The following FLOT1 variants were observed in gnomAD, a reference collection of about 807,000 sequenced individuals.
FLOT1 encodes flotillin-1.
Under a neutral mutation model 58.4 loss-of-function variants are expected in FLOT1, and 40 were observed. The ratio of observed to expected loss-of-function variants is 0.69; its 90% CI spans 0.53 to 0.89. The LOEUF (loss-of-function observed/expected upper bound fraction) is 0.89, where lower values mean the gene tolerates loss of function less well. Ranked by LOEUF, FLOT1 falls within the 40% of genes least tolerant of loss-of-function variation. The probability of loss-of-function intolerance (pLI) is 0.00; values close to 1 mark genes in which losing one functional copy is unlikely to be tolerated. For synonymous variants in FLOT1, 178 were observed against 204.2 expected (o/e 0.87, Z 1.09); for missense variants, 423 against 540.8 (o/e 0.78, Z 2.16).
chr6:30,740,825 G>A (rs1468213567), intron 5 of FLOT1, 27 bp from the exon 6 acceptor site: 1 of 1,562,474 alleles, frequency 6.4e-7, no homozygotes, highest in Admixed American at 2.0e-5. Flanking sequence ...GTGGGGAGAA[G>A]GGATGTAAGT....
chr6:30,730,139 T>G lies in FLOT1; in HGVS notation c.1137A>C (p.Thr379=). 1 of 1,612,962 alleles carries G rather than the reference T, an allele frequency of 6.2e-7. No individual in the cohort carries two copies. The highest frequency in any genetic ancestry group is 2.2e-5 in the East Asian group (1 of 44,896). The change falls in exon 12 of 13, where the codon ACA becomes ACC. Residue 379 remains threonine, a synonymous_variant. Coordinates refer to ENST00000376389, the MANE Select transcript of FLOT1 (RefSeq NM_005803.4). ...TGGTCCCACTGCCGCTGGACACCAG[T>G]GTGATCTTATTGGCTGAAGTCAAGG... ...SGPLTSANKI[T]LVSSGSGTMG... is the part of the protein sequence containing the mutation.
Position 30,730,906 on chromosome 6 carries a change from A to AG in FLOT1, c.905+12dup. The AG allele has an allele frequency of 6.2e-7, 1 of 1,608,452 alleles. No homozygotes were observed. Among genetic ancestry groups the AG allele is most frequent in the Middle Eastern group, 1.7e-4 (1 of 5,990 alleles). Reference sequence around the variant, plus strand: ...GCAAGTGAGCTAGGCAGGGTCAGGGAGGGGACATTTACTTCTCTGCCTCGG... The same window carrying AG: ...GCAAGTGAGCTAGGCAGGGTCAGGGAGGGGGACATTTACTTCTCTGCCTCGG... On this transcript the variant is annotated intron_variant, in intron 9 of 12. Coordinates refer to ENST00000376389, the MANE Select transcript of FLOT1 (RefSeq NM_005803.4).
chr6:30,730,225 G>T (rs1409056242), intron 11 of FLOT1, 39 bp from the exon 12 acceptor site: 3 of 1,604,258 alleles, frequency 1.9e-6, no homozygotes, highest in Admixed American at 3.3e-5. Flanking sequence ...CCCATGATCT[G>T]ACCACATTCC....
chr6:30,738,575 T>C (rs1777748147), intron 8 of FLOT1, among the ~76,000 whole-genome samples: 1 of 152,208 alleles, frequency 6.6e-6, no homozygotes. Flanking sequence ...TTTCATCAAC[T>C]GATCAACATA....
intron 12 of FLOT1, 129 bp from the exon 13 acceptor site, chr6:30,728,274 C>G (rs1776881871): frequency 1.3e-6 from 1 of 762,978 alleles, no homozygotes; most frequent in African/African-American, 1.7e-5. Flanking sequence ...TTTCTGGTGC[C>G]CTACCACCTG....
chr6:30,729,025 G>A (rs930757323), intron 12 of FLOT1, among the ~76,000 whole-genome samples: 3 of 151,470 alleles, frequency 2.0e-5, no homozygotes, highest in African/African-American at 4.8e-5. Flanking sequence ...TGATCCGCCC[G>A]CCTCAGCCTC....
rs183373691 is a variant in FLOT1, at chr6:30,738,941, G to A, written c.723+1217C>T. On this transcript the variant is annotated intron_variant, in intron 8 of 12. Transcript: ENST00000376389. ...GATCAACCTCACCTGGGTACTGTGCGTGTCTGCAAAAGATCCTGAAAGTGC... is the reference window on the plus strand; with the variant it reads ...GATCAACCTCACCTGGGTACTGTGCATGTCTGCAAAAGATCCTGAAAGTGC... Among the ~76,000 whole-genome samples, 51 of 152,326 alleles carry A rather than the reference G, an allele frequency of 3.3e-4. No individual in the cohort carries two copies. The South Asian group carries it at 6.8e-3, about 20-fold the overall frequency.
chr6:30,730,990 CTCCT>C lies in FLOT1; in HGVS notation c.830_833del (p.Lys277SerfsTer20), dbSNP rs1777143196. On this transcript the variant is annotated frameshift_variant, in exon 9 of 13. Transcript: ENST00000376389. LOFTEE classifies it high-confidence loss of function. ...CTGGCTTCCGCACCCGGGCCTCCAGCTCCTTCTCCCGCCGGGCGATCTCCTGCTC... is the reference window on the plus strand; with the variant it reads ...CTGGCTTCCGCACCCGGGCCTCCAGCTCTCCCGCCGGGCGATCTCCTGCTC... The C allele has an allele frequency of 6.2e-7, 1 of 1,613,924 alleles. No individual in the cohort carries two copies. The highest frequency in any genetic ancestry group is 1.3e-5 in the African/African-American group (1 of 75,070).
At position 30,728,556 on chromosome 6, in the gene FLOT1, G is replaced by A. The variant is rs184275110; in HGVS notation, c.1255-411C>T. 9.1e-4 allele frequency among the ~76,000 whole-genome samples: 137 copies of A among 150,022 alleles called. 1 individual carries two copies. The highest frequency in any genetic ancestry group is 4.6e-3 in the South Asian group (22 of 4,756). Reference sequence around the variant, plus strand: ...GCGATCTTGGCTTACTGCAGCCTCCGCCTCCTGAGTTCAAGTGATTCTCCT... The same window carrying A: ...GCGATCTTGGCTTACTGCAGCCTCCACCTCCTGAGTTCAAGTGATTCTCCT... On this transcript the variant is annotated intron_variant, in intron 12 of 12. Transcript: ENST00000376389.
chr6:30,731,441 C>T (rs1375763740), intron 8 of FLOT1, among the ~76,000 whole-genome samples: 2 of 147,828 alleles, frequency 1.4e-5, no homozygotes, highest in Admixed American at 6.9e-5. Flanking sequence ...GCTGGGATCA[C>T]GCCACTGCAC....
In FLOT1 at chr6:30,741,371, G is replaced by A; in HGVS notation, c.211-38C>T. ...TAGGGGTAGGAAAGGTGTGGTGGGG[G>A]TCTCATGAAGTCAGAGAAAAAGCAG... is the stretch of plus-strand genomic sequence containing the variant. On this transcript the variant is annotated intron_variant, in intron 4 of 12. Transcript: ENST00000376389. The surrounding 1 kb of genome is among the most constrained non-coding windows in gnomAD (Gnocchi z 5.9). 6.2e-7 allele frequency: 1 copy of A among 1,610,894 alleles called. No homozygotes were observed. The highest frequency in any genetic ancestry group is 8.5e-7 in the Non-Finnish European group (1 of 1,178,348).
At chr6:30,736,912 G>A (rs977759007) in intron 8 of FLOT1, among the ~76,000 whole-genome samples, 8 of 151,728 alleles carry the variant, frequency 5.3e-5, no homozygotes, top group Non-Finnish European at 1.2e-4. Context: ...CTCTTTGCCC[G>A]TTCTCCACAA....
chr6:30,730,893 G>T, intron 9 of FLOT1, 26 bp downstream of exon 9: 1 of 1,605,778 alleles, frequency 6.2e-7, no homozygotes. Context: ...AAGTGAGCTA[G>T]GCAGGGTCAG....
intron 9 of FLOT1, 26 bp downstream of exon 9, chr6:30,730,893 G>C: frequency 6.2e-7 from 1 of 1,605,778 alleles, no homozygotes; most frequent in Non-Finnish European, 8.5e-7. Context: ...AAGTGAGCTA[G>C]GCAGGGTCAG....
chr6:30,740,754 T>A lies in FLOT1; in HGVS notation c.399A>T (p.Lys133Asn), dbSNP rs748240708. The A allele has an allele frequency of 8.7e-6, 14 of 1,612,994 alleles. No individual in the cohort carries two copies. The highest frequency in any genetic ancestry group is 1.2e-5 in the Non-Finnish European group (14 of 1,180,012). Reference protein sequence around the residue: ...DRQKFSEQVFKVASSDLVNMG... With the variant: ...DRQKFSEQVFNVASSDLVNMG... ...TGTTGACCAGGTCTGAGGAGGCCACTTTGAAAACCTGTTCTGAGAATTTCT... is the reference window on the plus strand; with the variant it reads ...TGTTGACCAGGTCTGAGGAGGCCACATTGAAAACCTGTTCTGAGAATTTCT... The change falls in exon 6 of 13, where the codon AAA becomes AAT. Residue 133 changes from lysine to asparagine, a missense_variant. Lys to Asn is a moderately conservative substitution (Grantham distance 94, BLOSUM62 0). Coordinates refer to ENST00000376389, the MANE Select transcript of FLOT1 (RefSeq NM_005803.4).
rs1777971213 is a variant in FLOT1 at position 30,741,442 on chromosome 6, G to A, written c.211-109C>T. ...TAAGAAATGCTTCTTCCATTTCAGG[G>A]AAAGAAAGGAGGAGGAGGCAAGTGC... is the stretch of plus-strand genomic sequence containing the variant. On this transcript the variant is annotated intron_variant, in intron 4 of 12. Transcript: ENST00000376389. The surrounding 1 kb of genome is among the most constrained non-coding windows in gnomAD (Gnocchi z 5.9). 1.4e-6 allele frequency: 2 copies of A among 1,471,280 alleles called. No individual in the cohort carries two copies. Among genetic ancestry groups the A allele is most frequent in the Admixed American group, 1.8e-5 (1 of 56,460 alleles). 91.1% of individuals were successfully genotyped at this position (1,471,280 alleles called of 1,614,324 possible).
Position 30,731,015 on chromosome 6 carries a change from T to G in FLOT1, c.809A>C (p.Gln270Pro). The G allele has an allele frequency of 1.2e-6, 2 of 1,613,388 alleles. No individual in the cohort carries two copies. Among genetic ancestry groups the G allele is most frequent in the Non-Finnish European group, 1.7e-6 (2 of 1,180,008 alleles). Residue 270 changes from glutamine to proline, a missense_variant, in exon 9 of 13, where the codon CAG (glutamine) becomes CCG (proline). By Grantham distance (76) the Gln-to-Pro change is moderately conservative. Around this residue, in one of 6 missense-constraint regions of FLOT1, gnomAD observed 106 missense variants for 88.4 expected, o/e 1.20. Coordinates refer to ENST00000376389, the MANE Select transcript of FLOT1 (RefSeq NM_005803.4). ...CTCCTTCTCCCGCCGGGCGATCTCC[T>G]GCTCCTGCACTGCCACCTGCTGGGC... ...ERAQQVAVQE[Q>P]EIARREKELE...
chr6:30,729,800 G>A (rs1777021044), intron 12 of FLOT1, among the ~76,000 whole-genome samples: 2 of 152,198 alleles, frequency 1.3e-5, no homozygotes, highest in East Asian at 1.9e-4. Context: ...GGAACATGCT[G>A]GATGTTGAGT....
At chr6:30,730,820 T>A in intron 9 of FLOT1, 93 bp from the exon 10 acceptor site, 4 of 1,605,528 alleles carry the variant, frequency 2.5e-6, no homozygotes, top group Non-Finnish European at 3.4e-6. Context: ...TCCTGAAACC[T>A]GAAATCCATA....
Sources: allele counts gnomAD v4.1 joint callset (sites outside exome capture counted in the v4.1 genomes callset), GRCh38; gene constraint gnomAD v4.1.1; regional missense constraint gnomAD v4.1.1; non-coding constraint Gnocchi (gnomAD v3.1); transcripts MANE v1.5; gene names NCBI Gene and HGNC (gene_info 2026-07-23, HGNC 2026-07-21).